The following ABCA12 variants were observed in gnomAD, a reference collection of about 807,000 sequenced individuals.
The protein encoded by ABCA12 is ATP binding cassette subfamily A member 12.
Under a neutral mutation model 293.5 loss-of-function variants are expected in ABCA12, and 156 were observed. The ratio of observed to expected loss-of-function variants is 0.53; its 90% CI spans 0.47 to 0.61. ABCA12 has a LOEUF of 0.61. Among genes scored for constraint, ABCA12 ranks in the 20% least tolerant of loss-of-function variants. The pLI is 0.00. For synonymous variants in ABCA12, 1,063 were observed against 1,108.0 expected (o/e 0.96, Z 0.81); for missense variants, 2,797 against 3,090.2 (o/e 0.91, Z 2.25).
intron 1 of ABCA12, among the ~76,000 whole-genome samples, chr2:215,112,854 C>T (rs59223645): frequency 0.044 from 6,709 of 152,032 alleles, 378 homozygotes; most frequent in African/African-American, 0.13. Context: ...TTTTCCTCCC[C>T]GTGTAGAAGT....
At chr2:215,054,460 T>C in intron 4 of ABCA12, 113 bp downstream of exon 4, 2 of 906,656 alleles carry the variant, frequency 2.2e-6, no homozygotes, top group East Asian at 5.0e-5. Context: ...CTCACAGGGC[T>C]ATTCTAAGCA....
intron 2 of ABCA12, among the ~76,000 whole-genome samples, chr2:215,086,302 T>C (rs1222545653): frequency 6.6e-6 from 1 of 152,236 alleles, no homozygotes; most frequent in Non-Finnish European, 1.5e-5. Context: ...GTTAGTTAAC[T>C]TTTGAAGTTA....
intron 39 of ABCA12, among the ~76,000 whole-genome samples, chr2:214,959,640 A>G (rs1315623865): frequency 6.6e-6 from 1 of 152,110 alleles, no homozygotes; most frequent in Non-Finnish European, 1.5e-5. Flanking sequence ...AGGGCTTGGG[A>G]ACTTCAGCCA....
chr2:215,122,787 ATCT>A (rs1386089331), intron 1 of ABCA12, among the ~76,000 whole-genome samples: 1 of 152,148 alleles, frequency 6.6e-6, no homozygotes, highest in African/African-American at 2.4e-5. Context: ...TTTAGGAACC[ATCT>A]TCTTTTTTAA....
At position 215,044,972 on chromosome 2, in the gene ABCA12, T is replaced by A. The variant is rs2106047583; in HGVS notation, c.872+865A>T. Among the ~76,000 whole-genome samples the A allele has an allele frequency of 2.0e-5, 3 of 152,274 alleles. No homozygotes were observed. The Middle Eastern group carries it at 0.01, about 518-fold the overall frequency. On this transcript the variant is annotated intron_variant, in intron 7 of 52. Coordinates refer to ENST00000272895, the MANE Select transcript of ABCA12 (RefSeq NM_173076.3). ...GGGTTCTGGAGTTAGAAAATCTAGT[T>A]GCAAACCCTTCTAGATGCAGGATCT...
intron 28 of ABCA12, among the ~76,000 whole-genome samples, chr2:214,985,687 T>C (rs966813640): frequency 6.6e-6 from 1 of 152,144 alleles, no homozygotes; most frequent in African/African-American, 2.4e-5. Context: ...TCCCCTTTTA[T>C]TTACAAAAAA....
At chr2:214,984,712 G>C (rs1280630171) in intron 28 of ABCA12, among the ~76,000 whole-genome samples, 1 of 152,080 alleles carries the variant, frequency 6.6e-6, no homozygotes, top group East Asian at 1.9e-4. Flanking sequence ...ACTGGAATCT[G>C]TAAGTCATTT....
At chr2:215,062,590 C>A (rs191575292) in intron 3 of ABCA12, among the ~76,000 whole-genome samples, 1 of 152,154 alleles carries the variant, frequency 6.6e-6, no homozygotes, top group East Asian at 1.9e-4. Flanking sequence ...CAATCCGTTT[C>A]CTCATCCCTT....
rs1400789954 is a variant in ABCA12, at chr2:215,108,822, C to A, written c.163+2775G>T. ...CGGTGACTCATGCCTGTAATCCCAG[C>A]ATTTTGGGAGGCCGAGGCGGTGGAT... On this transcript the variant is annotated intron_variant, in intron 2 of 52. Transcript: ENST00000272895. Among the ~76,000 whole-genome samples the A allele has an allele frequency of 3.3e-5, 5 of 152,300 alleles. No homozygotes were observed. The East Asian group carries it at 5.8e-4, about 18-fold the overall frequency.
At chr2:214,946,745 A>G (rs912063325) in intron 48 of ABCA12, among the ~76,000 whole-genome samples, 10 of 152,172 alleles carry the variant, frequency 6.6e-5, no homozygotes, top group African/African-American at 2.4e-4. Flanking sequence ...TTTTTCTGAA[A>G]TAACCATCCT....
intron 50 of ABCA12, among the ~76,000 whole-genome samples, chr2:214,939,775 G>A (rs1480180480): frequency 6.6e-6 from 1 of 152,070 alleles, no homozygotes; most frequent in Non-Finnish European, 1.5e-5. Context: ...TCTATTATTG[G>A]TGTATAGGAA....
chr2:215,070,262 A>C (rs892500811), intron 2 of ABCA12, among the ~76,000 whole-genome samples: 1 of 152,166 alleles, frequency 6.6e-6, no homozygotes, highest in Non-Finnish European at 1.5e-5. Flanking sequence ...TTATCCACAA[A>C]GTGAATCCAT....
chr2:215,121,889 C>T (rs933645102), intron 1 of ABCA12, among the ~76,000 whole-genome samples: 2 of 152,102 alleles, frequency 1.3e-5, no homozygotes, highest in African/African-American at 4.8e-5. Flanking sequence ...GTGAGGCTTC[C>T]CCAGCCATGT....
At position 215,064,067 on chromosome 2, in the gene ABCA12, T is replaced by C; in HGVS notation, c.316A>G (p.Ser106Gly). 6.2e-7 allele frequency: 1 copy of C among 1,612,688 alleles called. No individual in the cohort carries two copies. The highest frequency in any genetic ancestry group is 8.5e-7 in the Non-Finnish European group (1 of 1,178,980). The change falls in exon 3 of 53, where the codon AGT becomes GGT. Residue 106 changes from serine to glycine, a missense_variant and splice_region_variant. Ser to Gly is a moderately conservative substitution (Grantham distance 56, BLOSUM62 0). This residue lies in a region of ABCA12 where 656 missense variants were observed against 638.2 expected (regional missense o/e 1.03). Coordinates refer to ENST00000272895, the MANE Select transcript of ABCA12 (RefSeq NM_173076.3). ...AACACACTTGAGAAGTGCCCCCACC[T>C]GTCTTTAAATAGTGCATCATCAATT... ...KGIDDALFKDSEILRKSSNLD... is the reference protein window; with the variant it reads ...KGIDDALFKDGEILRKSSNLD...
intron 51 of ABCA12, among the ~76,000 whole-genome samples, chr2:214,936,605 T>C (rs766771116): frequency 1.3e-5 from 2 of 152,224 alleles, no homozygotes; most frequent in African/African-American, 2.4e-5. Context: ...GTATGGGCTA[T>C]GTTAGGTATA....
chr2:215,096,938 A>G (rs1702260033), intron 2 of ABCA12, among the ~76,000 whole-genome samples: 1 of 152,152 alleles, frequency 6.6e-6, no homozygotes, highest in Non-Finnish European at 1.5e-5. Context: ...TTTAGGAAAA[A>G]GGGGGCATTT....
chr2:214,934,312 G>T, intron 51 of ABCA12, 97 bp from the exon 52 acceptor site: 1 of 1,342,472 alleles, frequency 7.4e-7, no homozygotes, highest in Non-Finnish European at 1.1e-6. Flanking sequence ...AATAACTGAA[G>T]TTCATTCCAC....
At chr2:214,945,174 C>G in intron 48 of ABCA12, 70 bp from the exon 49 acceptor site, 1 of 1,179,110 alleles carries the variant, frequency 8.5e-7, no homozygotes, top group Non-Finnish European at 1.2e-6. Context: ...TCATGAATTA[C>G]TGCATTTCAC....
chr2:215,019,440 T>G lies in ABCA12; in HGVS notation c.1553A>C (p.Glu518Ala). The G allele has an allele frequency of 1.2e-6, 2 of 1,613,956 alleles. No individual in the cohort carries two copies. The highest frequency in any genetic ancestry group is 1.7e-6 in the Non-Finnish European group (2 of 1,179,836). Residue 518 changes from glutamate to alanine, a missense_variant, in exon 13 of 53, where the codon GAA becomes GCA. By Grantham distance (107) the Glu-to-Ala change is moderately radical. This residue lies in a region of ABCA12 where 656 missense variants were observed against 638.2 expected (regional missense o/e 1.03). Transcript: ENST00000272895. The part of the protein sequence containing the change: ...KINLNMDQFL[E>A]QALQMNYLEN... Reference sequence around the variant, plus strand: ...CAAGTAATTCATTTGCAGTGCCTGTTCTAGAAACCTGGAACAAAACAGAAA... The same window carrying G: ...CAAGTAATTCATTTGCAGTGCCTGTGCTAGAAACCTGGAACAAAACAGAAA...
Sources: allele counts gnomAD v4.1 joint callset (sites outside exome capture counted in the v4.1 genomes callset), GRCh38; gene constraint gnomAD v4.1.1; regional missense constraint gnomAD v4.1.1; transcripts MANE v1.5; gene names NCBI Gene and HGNC (gene_info 2026-07-23, HGNC 2026-07-21).